Variants in EPHA5 observed in about 807,000 individuals in gnomAD.
The protein encoded by EPHA5 is EPH receptor A5, also known as ephrin type-A receptor 5.
EPHA5 carries 60 observed loss-of-function variants against 105.0 expected under a neutral mutation model. The observed-to-expected ratio is 0.57, with a 90% CI of 0.46 to 0.71. The LOEUF is 0.71. Among genes scored for constraint, EPHA5 ranks in the 30% least tolerant of loss-of-function variants. EPHA5 has a pLI of 0.00. For missense variants in EPHA5, 1,218 were observed against 1,274.7 expected, an observed-to-expected ratio of 0.96 and a Z score of 0.68; for synonymous variants, 513 against 449.1, an observed-to-expected ratio of 1.14 and a Z score of -1.80.
At chr4:65,376,113 C>A (rs767698372) in intron 8 of EPHA5, among the ~76,000 whole-genome samples, 15 of 151,902 alleles carry the variant, frequency 9.9e-5, no homozygotes, top group Non-Finnish European at 2.1e-4. Flanking sequence ...ATTTTTTAAG[C>A]AACAAAAATT....
intron 5 of EPHA5, among the ~76,000 whole-genome samples, chr4:65,469,062 GGAAGA>G (rs1459300757): frequency 1.3e-5 from 2 of 152,016 alleles, no homozygotes; most frequent in Non-Finnish European, 2.9e-5. Context: ...GATGAACGGA[GGAAGA>G]GAAGTTTCCT....
chr4:65,507,873 C>T (rs887177637), intron 3 of EPHA5, among the ~76,000 whole-genome samples: 1 of 151,958 alleles, frequency 6.6e-6, no homozygotes, highest in African/African-American at 2.4e-5. Flanking sequence ...TTAGTATTTG[C>T]TTATGATAAT....
chr4:65,408,005 T>A (rs1442497038), intron 7 of EPHA5, among the ~76,000 whole-genome samples: 1 of 152,138 alleles, frequency 6.6e-6, no homozygotes. Flanking sequence ...GCTCAAGTGA[T>A]TCGCCCACCA....
At chr4:65,456,135 G>A (rs1431990303) in intron 5 of EPHA5, among the ~76,000 whole-genome samples, 7 of 152,112 alleles carry the variant, frequency 4.6e-5, no homozygotes, top group African/African-American at 1.2e-4. Context: ...TAACTAGTTC[G>A]CAAATTTGCT....
At chr4:65,558,233 G>A (rs749396239) in intron 3 of EPHA5, among the ~76,000 whole-genome samples, 1 of 152,022 alleles carries the variant, frequency 6.6e-6, no homozygotes, top group Non-Finnish European at 1.5e-5. Context: ...TCCATTAAGT[G>A]TGTGTAAGTA....
chr4:65,454,121 A>T (rs939001408), intron 5 of EPHA5, among the ~76,000 whole-genome samples: 1 of 152,090 alleles, frequency 6.6e-6, no homozygotes, highest in East Asian at 1.9e-4. Context: ...TCTCTACTAA[A>T]AATACAAAAT....
chr4:65,483,495 C>T (rs146786604), intron 5 of EPHA5, among the ~76,000 whole-genome samples: 16,424 of 152,078 alleles, frequency 0.11, 985 homozygotes, highest in East Asian at 0.18. Context: ...AAAGTGTTCC[C>T]ATTTCTCCAC....
intron 2 of EPHA5, among the ~76,000 whole-genome samples, chr4:65,634,781 A>G (rs1054439381): frequency 6.6e-6 from 1 of 151,972 alleles, no homozygotes; most frequent in Non-Finnish European, 1.5e-5. Flanking sequence ...TTTAATCTTT[A>G]TTAGCCCCTT....
chr4:65,604,761 G>A (rs1402851899), intron 2 of EPHA5, among the ~76,000 whole-genome samples: 1 of 151,002 alleles, frequency 6.6e-6, no homozygotes, highest in African/African-American at 2.4e-5. Flanking sequence ...TGAAGAGAAA[G>A]TAACACTCAC....
Position 65,504,143 on chromosome 4 carries a change from G to A in EPHA5, c.911-8600C>T, listed in dbSNP as rs540540101. Among the ~76,000 whole-genome samples, 9 of 151,276 alleles carry A rather than the reference G, an allele frequency of 5.9e-5. No individual in the cohort carries two copies. The South Asian group carries it at 1.9e-3, about 31-fold the overall frequency. On this transcript the variant is annotated intron_variant, in intron 3 of 16. Coordinates refer to ENST00000613740, the MANE Select transcript of EPHA5 (RefSeq NM_001281766.3). ...TTACATCTATATATTTTATAGAAGT[G>A]TTTTATCACATAGTATCAATGATTA... is the stretch of plus-strand genomic sequence containing the variant.
chr4:65,543,802 C>A (rs188760856), intron 3 of EPHA5, among the ~76,000 whole-genome samples: 1 of 151,974 alleles, frequency 6.6e-6, no homozygotes, highest in Non-Finnish European at 1.5e-5. Context: ...CCAGCGATAT[C>A]ACACTACCTG....
chr4:65,636,347 T>C (rs1176088375), intron 2 of EPHA5, among the ~76,000 whole-genome samples: 1 of 152,100 alleles, frequency 6.6e-6, no homozygotes. Flanking sequence ...AGGTATAAAG[T>C]AAAATCTGGG....
intron 5 of EPHA5, among the ~76,000 whole-genome samples, chr4:65,453,245 A>G (rs1727240347): frequency 6.6e-6 from 1 of 152,238 alleles, no homozygotes; most frequent in African/African-American, 2.4e-5. Flanking sequence ...GAAAGTTAAC[A>G]CAAATCTACA....
intron 5 of EPHA5, among the ~76,000 whole-genome samples, chr4:65,489,530 T>C (rs527503119): frequency 9.2e-5 from 14 of 152,312 alleles, no homozygotes; most frequent in Non-Finnish European, 1.8e-4. Flanking sequence ...TTTTTGGCTT[T>C]AATGCCTTTT....
chr4:65,386,353 G>C (rs1720085736), intron 8 of EPHA5, among the ~76,000 whole-genome samples: 1 of 151,890 alleles, frequency 6.6e-6, no homozygotes, highest in Admixed American at 6.6e-5. Context: ...GATGTTCTAG[G>C]TTGTGAACTA....
chr4:65,443,574 G>C (rs1461358024), intron 5 of EPHA5, among the ~76,000 whole-genome samples: 2 of 152,034 alleles, frequency 1.3e-5, no homozygotes, highest in Non-Finnish European at 2.9e-5. Context: ...GCCTGGGGGA[G>C]GGCCTTTGAA....
At chr4:65,568,508 A>T (rs1232096184) in intron 3 of EPHA5, among the ~76,000 whole-genome samples, 17 of 151,344 alleles carry the variant, frequency 1.1e-4, no homozygotes, top group Admixed American at 1.1e-3. Context: ...ATATAATATT[A>T]AAAATTTTTA....
chr4:65,565,411 T>G (rs902050715), intron 3 of EPHA5, among the ~76,000 whole-genome samples: 20 of 151,762 alleles, frequency 1.3e-4, no homozygotes, highest in Non-Finnish European at 3.0e-5. Flanking sequence ...CGAAAGGGAC[T>G]CACAAACATA....
chr4:65,640,570 G>A (rs896300931), intron 2 of EPHA5, among the ~76,000 whole-genome samples: 6 of 152,180 alleles, frequency 3.9e-5, no homozygotes, highest in Admixed American at 1.3e-4. Context: ...ACAGGCGTGA[G>A]CCACTGCGCC....
Sources: gnomAD v4.1 joint callset for allele counts (sites outside exome capture counted in the v4.1 genomes callset) on GRCh38, gnomAD v4.1.1 for gene constraint, MANE v1.5 for transcripts, NCBI Gene and HGNC (gene_info 2026-07-23, HGNC 2026-07-21) for gene names.